SLC30A6: variants seen among roughly 807,000 people sequenced by gnomAD.
SLC30A6 encodes the protein solute carrier family 30 member 6.
In SLC30A6, 55 loss-of-function variants were observed where a neutral mutation model predicts 63.0. The observed-to-expected ratio is 0.87, with a 90% CI of 0.70 to 1.09. The LOEUF is 1.09. Among genes scored for constraint, SLC30A6 ranks in the 50% least tolerant of loss-of-function variants. SLC30A6 has a pLI of 0.00. For missense variants in SLC30A6, 587 were observed against 549.2 expected (o/e 1.07, Z -0.69); for synonymous variants, 224 against 186.1 (o/e 1.20, Z -1.66).
intron 13 of SLC30A6, 66 bp from the exon 14 acceptor site, chr2:32,220,147 T>TA: frequency 6.7e-7 from 1 of 1,500,356 alleles, no homozygotes; most frequent in African/African-American, 1.4e-5. Context: ...TAAAATGTTT[T>TA]ATCTAATGAA....
intron 10 of SLC30A6, chr2:32,202,663 T>C: frequency 1.6e-6 from 1 of 620,688 alleles, no homozygotes; most frequent in Admixed American, 2.1e-5. Flanking sequence ...TGCCATGTTG[T>C]GCTTGATGAA....
intron 6 of SLC30A6, 139 bp from the exon 7 acceptor site, chr2:32,192,779 T>A: frequency 1.9e-6 from 1 of 530,304 alleles, no homozygotes; most frequent in Admixed American, 3.7e-5. Flanking sequence ...TGAGTCTCCT[T>A]GCCTCATCAC....
chr2:32,195,433 A>G (rs755694728), intron 8 of SLC30A6, among the ~76,000 whole-genome samples: 5 of 152,000 alleles, frequency 3.3e-5, no homozygotes, highest in Non-Finnish European at 7.4e-5. Flanking sequence ...TTGAATGTAA[A>G]TGATTTTTTA....
intron 13 of SLC30A6, among the ~76,000 whole-genome samples, chr2:32,213,880 T>A (rs1685475317): frequency 7.1e-6 from 1 of 141,596 alleles, no homozygotes; most frequent in East Asian, 2.1e-4. Context: ...CTTGGCTCAC[T>A]GCAACCTCCG....
chr2:32,170,079 C>T (rs1181312745), intron 1 of SLC30A6, among the ~76,000 whole-genome samples: 5 of 151,894 alleles, frequency 3.3e-5, no homozygotes, highest in South Asian at 2.1e-4. Flanking sequence ...GTATTACATT[C>T]GCCCATGAAA....
intron 12 of SLC30A6, among the ~76,000 whole-genome samples, chr2:32,208,470 G>C (rs1684976081): frequency 6.6e-6 from 1 of 151,268 alleles, no homozygotes; most frequent in African/African-American, 2.4e-5. Context: ...AAAAGAGATG[G>C]GGTCTTGCTA....
At chr2:32,172,629 C>A (rs189200207) in intron 2 of SLC30A6, among the ~76,000 whole-genome samples, 23 of 152,190 alleles carry the variant, frequency 1.5e-4, no homozygotes, top group African/African-American at 4.6e-4. Context: ...CTACTTGCAT[C>A]TAAGCAACTG....
At chr2:32,180,142 C>T (rs909379046) in intron 4 of SLC30A6, among the ~76,000 whole-genome samples, 1 of 152,040 alleles carries the variant, frequency 6.6e-6, no homozygotes, top group African/African-American at 2.4e-5. Context: ...TGGCTCATGC[C>T]TGTAATCCCA....
In SLC30A6 at chr2:32,187,192, A is replaced by T. The variant is rs941942109; in HGVS notation, c.284+2854A>T. On this transcript the variant is annotated intron_variant, in intron 5 of 13. Coordinates refer to ENST00000282587, the MANE Select transcript of SLC30A6 (RefSeq NM_017964.5). Reference sequence around the variant, plus strand: ...CATGTCCTGTTCAGTCTCTCAGACCACTTTTCTCCACCAATCCGAAATGAT... The same window carrying T: ...CATGTCCTGTTCAGTCTCTCAGACCTCTTTTCTCCACCAATCCGAAATGAT... The T allele has an allele frequency of 3.6e-5, 17 of 470,942 alleles. No individual in the cohort carries two copies. The Admixed American group carries it at 3.8e-4, about 10-fold the overall frequency. The allele number at this position is 470,942 out of a possible 1,614,324, so 29.2% of individuals were successfully genotyped here.
chr2:32,201,021 A>C (rs1684244234), intron 10 of SLC30A6, among the ~76,000 whole-genome samples: 1 of 151,916 alleles, frequency 6.6e-6, no homozygotes, highest in Non-Finnish European at 1.5e-5. Flanking sequence ...TGCTGCTTTC[A>C]CTTGCCTATC....
At chr2:32,188,387 C>T (rs1683021411) in intron 5 of SLC30A6, among the ~76,000 whole-genome samples, 1 of 152,118 alleles carries the variant, frequency 6.6e-6, no homozygotes, top group South Asian at 2.1e-4. Flanking sequence ...TTTTCTGTCC[C>T]TACCCTTTAA....
chr2:32,203,756 G>A (rs767426718), intron 10 of SLC30A6: 16 of 1,512,618 alleles, frequency 1.1e-5, no homozygotes, highest in Non-Finnish European at 1.3e-5. Context: ...GATTCCGACT[G>A]GATATTCTCA....
chr2:32,200,374 C>T (rs996348233), intron 10 of SLC30A6, among the ~76,000 whole-genome samples: 5 of 151,716 alleles, frequency 3.3e-5, no homozygotes, highest in African/African-American at 4.8e-5. Context: ...TCATTGAGAA[C>T]GGGCCACGAT....
intron 4 of SLC30A6, among the ~76,000 whole-genome samples, chr2:32,178,868 A>G (rs889821079): frequency 6.6e-6 from 1 of 152,066 alleles, no homozygotes; most frequent in Non-Finnish European, 1.5e-5. Flanking sequence ...CTTTTTCAAG[A>G]TTGTTTTGGC....
intron 5 of SLC30A6, among the ~76,000 whole-genome samples, chr2:32,186,969 C>T (rs1272635161): frequency 7.2e-6 from 1 of 138,858 alleles, no homozygotes; most frequent in Non-Finnish European, 1.5e-5. Flanking sequence ...GCACTCCTGC[C>T]TGGGAGACAG....
In SLC30A6 at chr2:32,224,162, C is replaced by T. The variant is rs139207991; in HGVS notation, c.*3449C>T. ...TATTAATAATTTATCTCATATTCAG[C>T]GAATATTTATTGAGAATATTGTTGA... On this transcript the variant is annotated 3_prime_UTR_variant, in exon 14 of 14. Transcript: ENST00000282587. The T allele has an allele frequency of 0.021, 4,465 of 216,754 alleles. 58 individuals are homozygous for T. The highest frequency in any genetic ancestry group is 0.039 in the Middle Eastern group (24 of 622). The allele number at this position is 216,754 out of a possible 1,614,324, so 13.4% of individuals were successfully genotyped here.
At chr2:32,175,297 T>A in intron 3 of SLC30A6, 22 bp from the exon 4 acceptor site, 1 of 1,608,050 alleles carries the variant, frequency 6.2e-7, no homozygotes, top group Non-Finnish European at 8.5e-7. Flanking sequence ...ATACTTTTAA[T>A]CATTTTTTTG....
intron 4 of SLC30A6, among the ~76,000 whole-genome samples, chr2:32,183,503 G>A (rs212741): frequency 0.5 from 75,958 of 151,350 alleles, 19,270 homozygotes; most frequent in African/African-American, 0.52. Context: ...CCAACATGAC[G>A]AAACCTCGTC....
chr2:32,191,614 G>A (rs1453804075), intron 5 of SLC30A6, among the ~76,000 whole-genome samples: 1 of 152,180 alleles, frequency 6.6e-6, no homozygotes, highest in Non-Finnish European at 1.5e-5. Context: ...ATAATAAGTG[G>A]TTAAAATCTG....
Sources: gnomAD v4.1 joint callset for allele counts (sites outside exome capture counted in the v4.1 genomes callset) on GRCh38, gnomAD v4.1.1 for gene constraint, MANE v1.5 for transcripts, NCBI Gene and HGNC (gene_info 2026-07-23, HGNC 2026-07-21) for gene names.